UPF3B: variants seen among roughly 807,000 people sequenced by gnomAD.
UPF3B encodes the protein UPF3B regulator of nonsense mediated mRNA decay.
Under a neutral mutation model 40.3 loss-of-function variants are expected in UPF3B, and 7 were observed. The observed-to-expected ratio is 0.17, with a 90% CI of 0.10 to 0.33. The LOEUF (loss-of-function observed/expected upper bound fraction) is 0.33, where lower values mean the gene tolerates loss of function less well. UPF3B is among the 10% of genes least tolerant of loss of function. The pLI is 1.00. For missense variants in UPF3B, 229 were observed against 358.9 expected (o/e 0.64, Z 2.93); for synonymous variants, 117 against 117.3 (o/e 1.00, Z 0.01).
At chrX:119,807,897 C>T (rs900618726) in intron 5 of UPF3B, among the ~76,000 whole-genome samples, 2 of 111,777 alleles carry the variant, frequency 1.8e-5, no homozygotes, top group Non-Finnish European at 3.8e-5. Flanking sequence ...CAGACTCAAG[C>T]GATCCTCCCA....
At position 119,838,602 on chromosome X, in the gene UPF3B, T is replaced by C. The variant is rs1031528621; in HGVS notation, c.847-75A>G. The C allele has an allele frequency of 1.4e-5, 15 of 1,061,602 alleles. No homozygotes were observed. The Admixed American group carries it at 3.6e-4, about 26-fold the overall frequency. The allele number at this position is 1,061,602 out of a possible 1,213,427, so 87.5% of individuals were successfully genotyped here. A position where few individuals can be genotyped will look rare whatever the true frequency, so the allele number is the denominator to read the frequency against. On this transcript the variant is annotated intron_variant, in intron 8 of 10. Coordinates refer to ENST00000276201, the MANE Select transcript of UPF3B (RefSeq NM_080632.3). ...TCTATTAAAAACCCAGTATACCAAA[T>C]ATTTAAAATTTAGACTAGACAAAGC...
intron 4 of UPF3B, among the ~76,000 whole-genome samples, chrX:119,818,260 G>A (rs774832924): frequency 3.6e-5 from 4 of 109,905 alleles, no homozygotes; most frequent in African/African-American, 1.3e-4. Context: ...ATGAGACTCC[G>A]TCTTAAAAAA....
At position 119,838,151 on chromosome X, in the gene UPF3B, C is replaced by T. The variant is rs763583682; in HGVS notation, c.1008-100G>A. On this transcript the variant is annotated intron_variant, in intron 9 of 10. Transcript: ENST00000276201. ...ATTTGGCCCCTGCAATGAGGTTGCA[C>T]TTTTAGAGCAGAGTGAAAAATACTA... is the stretch of plus-strand genomic sequence containing the variant. 5 of 1,072,013 alleles carry T rather than the reference C, an allele frequency of 4.7e-6. No individual in the cohort carries two copies. In the East Asian group the frequency reaches 1.2e-4, roughly 26 times the overall value. 88.3% of individuals were successfully genotyped at this position (1,072,013 alleles called of 1,213,427 possible).
At chrX:119,843,094 A>G in intron 5 of UPF3B, 97 bp downstream of exon 5, 1 of 588,787 alleles carries the variant, frequency 1.7e-6, no homozygotes, top group East Asian at 3.3e-5. Context: ...AGAAACTAGT[A>G]ACTTCCCTGA....
At chrX:119,813,730 T>A (rs1480234952) in intron 5 of UPF3B, among the ~76,000 whole-genome samples, 1 of 108,770 alleles carries the variant, frequency 9.2e-6, no homozygotes, top group Non-Finnish European at 1.9e-5. Context: ...CCCGGTTAAT[T>A]TTTTTGTATT....
At chrX:119,829,613 C>A (rs143940627), downstream of UPF3B, among the ~76,000 whole-genome samples, 56 of 111,730 alleles carry the variant, frequency 5.0e-4, no homozygotes, top group African/African-American at 1.7e-3. Context: ...TTAAGTAACC[C>A]AGAGTCTTCT....
chrX:119,850,714 G>A (rs1243183636), intron 3 of UPF3B, among the ~76,000 whole-genome samples: 1 of 111,933 alleles, frequency 8.9e-6, no homozygotes, highest in Non-Finnish European at 1.9e-5. Context: ...GGACCTTTCT[G>A]GATATAAAGT....
chrX:119,840,998 CA>C (rs2056154531), intron 7 of UPF3B, 77 bp downstream of exon 7: 2 of 1,075,488 alleles, frequency 1.9e-6, no homozygotes, highest in African/African-American at 3.7e-5. Flanking sequence ...TTTACACCAA[CA>C]CAAGACGCAT....
chrX:119,813,210 G>C (rs1210974322), intron 5 of UPF3B, among the ~76,000 whole-genome samples: 4 of 111,751 alleles, frequency 3.6e-5, no homozygotes, highest in African/African-American at 1.3e-4. Context: ...TATGGGACAA[G>C]AATAGTGGAT....
chrX:119,848,784 T>C (rs1603372187), intron 3 of UPF3B, among the ~76,000 whole-genome samples: 1 of 104,631 alleles, frequency 9.6e-6, no homozygotes, highest in East Asian at 3.1e-4. Flanking sequence ...AAATCATAGA[T>C]ACATAAAGTA....
rs764529656 is a variant in UPF3B at position 119,844,144 on chromosome X, G to A, written c.470-843C>T. ...CAGCTCACTGCAACCTCCGCCTCCC[G>A]GGTTCAAGTGATTCTTCTGCCTCAG... On this transcript the variant is annotated intron_variant, in intron 4 of 10. Transcript: ENST00000276201. Among the ~76,000 whole-genome samples, 84 of 110,475 alleles carry A rather than the reference G, an allele frequency of 7.6e-4. 1 individual carries two copies. Among genetic ancestry groups the A allele is most frequent in the African/African-American group, 2.7e-3 (81 of 30,396 alleles).
At chrX:119,838,109 G>C in intron 9 of UPF3B, 58 bp from the exon 10 acceptor site, 1 of 1,178,375 alleles carries the variant, frequency 8.5e-7, no homozygotes, top group Non-Finnish European at 1.1e-6. Context: ...CACAAATGCA[G>C]GAACACTGTG....
intron 8 of UPF3B, among the ~76,000 whole-genome samples, chrX:119,839,932 G>A (rs2056142757): frequency 9.0e-6 from 1 of 111,537 alleles, no homozygotes; most frequent in South Asian, 3.8e-4. Flanking sequence ...CAGACAGAGA[G>A]ATTGCTGGAA....
rs2056321234 is a variant in UPF3B, at chrX:119,852,952, C to T, written c.-24G>A. 2 of 1,210,818 alleles carry T rather than the reference C, an allele frequency of 1.7e-6. No individual in the cohort carries two copies. Among genetic ancestry groups the T allele is most frequent in the African/African-American group, 3.5e-5 (2 of 57,583 alleles). On this transcript the variant is annotated 5_prime_UTR_variant, in exon 1 of 11. Transcript: ENST00000276201. Reference sequence around the variant, plus strand: ...ATGGCTACGTCCCCCGCTGAAGCGGCTTGGCCGGAACGGGGTTACCCCGGG... The same window carrying T: ...ATGGCTACGTCCCCCGCTGAAGCGGTTTGGCCGGAACGGGGTTACCCCGGG...
chrX:119,829,600 G>T (rs2056016407), downstream of UPF3B, among the ~76,000 whole-genome samples: 1 of 111,420 alleles, frequency 9.0e-6, no homozygotes, highest in Non-Finnish European at 1.9e-5. Flanking sequence ...CTTTTCTCTT[G>T]GATTAAGTAA....
At position 119,840,633 on chromosome X, in the gene UPF3B, A is replaced by C; in HGVS notation, c.846+13T>G. On this transcript the variant is annotated intron_variant, in intron 8 of 10. Coordinates refer to ENST00000276201, the MANE Select transcript of UPF3B (RefSeq NM_080632.3). ...TGATACTAGATGCTCTGTATCATGT[A>C]CTTGGTCCTTACATTTTTCTGATTC... 1 of 1,206,008 alleles carries C rather than the reference A, an allele frequency of 8.3e-7. No homozygotes were observed. The highest frequency in any genetic ancestry group is 1.8e-5 in the South Asian group (1 of 56,778).
chrX:119,846,505 TAAAAAA>T (rs780880120), intron 3 of UPF3B, among the ~76,000 whole-genome samples: 2 of 58,092 alleles, frequency 3.4e-5, no homozygotes, highest in African/African-American at 1.1e-4. Context: ...TCGAGCCTGG[TAAAAAA>T]AAAAAAAAAA....
intron 3 of UPF3B, among the ~76,000 whole-genome samples, chrX:119,828,962 A>C (rs1387706754): frequency 9.0e-6 from 1 of 111,063 alleles, no homozygotes; most frequent in Non-Finnish European, 1.9e-5. Context: ...CTCAGGTGAT[A>C]CATCCACCTC....
chrX:119,810,608 C>G lies in UPF3B; in HGVS notation c.603-3027G>C, dbSNP rs747864386. On this transcript the variant is annotated intron_variant, in intron 5 of 6. Transcript: ENST00000636792. The stretch of plus-strand genomic sequence containing the variant: ...TATTATGAGAGTGTTTTGAGAAAGC[C>G]AAAGCTTTAGCAGAAAAATGCCCAG... 4.8e-4 allele frequency among the ~76,000 whole-genome samples: 54 copies of G among 111,737 alleles called. 1 individual carries two copies. The highest frequency in any genetic ancestry group is 4.6e-3 in the Middle Eastern group (1 of 217).
Sources: gnomAD v4.1 joint callset for allele counts (sites outside exome capture counted in the v4.1 genomes callset) on GRCh38, gnomAD v4.1.1 for gene constraint, MANE v1.5 for transcripts, NCBI Gene and HGNC (gene_info 2026-07-23, HGNC 2026-07-21) for gene names.